The following ACADM variants were observed in gnomAD, a reference collection of about 807,000 sequenced individuals.
The protein encoded by ACADM is medium-chain specific acyl-CoA dehydrogenase, mitochondrial.
In ACADM, 49 loss-of-function variants were observed where a neutral mutation model predicts 58.9. That is an observed-to-expected ratio of 0.83 (90% confidence interval 0.66 to 1.06). The LOEUF (loss-of-function observed/expected upper bound fraction) is 1.06. Among genes scored for constraint, ACADM ranks in the 50% least tolerant of loss-of-function variants. The pLI, the probability that ACADM is intolerant of heterozygous loss-of-function variation, is 0.00. For synonymous variants in ACADM, 160 were observed against 157.7 expected (o/e 1.01, Z -0.11); for missense variants, 496 against 507.0 (o/e 0.98, Z 0.21).
At chr1:75,760,970 GCC>G (rs1406364123) in intron 10 of ACADM, 150 bp from the exon 11 acceptor site, 3 of 718,418 alleles carry the variant, frequency 4.2e-6, no homozygotes, top group African/African-American at 1.8e-5. Flanking sequence ...ACTTTGAGAG[GCC>G]TAAGTAGGAG....
At chr1:75,758,923 G>A (rs1035431477) in intron 10 of ACADM, among the ~76,000 whole-genome samples, 30 of 152,178 alleles carry the variant, frequency 2.0e-4, no homozygotes, top group African/African-American at 6.3e-4. Flanking sequence ...CCCTTTCCAC[G>A]CTGTGGAAGC....
intron 9 of ACADM, 70 bp downstream of exon 9, chr1:75,749,629 A>C: frequency 7.2e-7 from 1 of 1,381,820 alleles, no homozygotes. Flanking sequence ...TTTTTACTTT[A>C]AAATTGTATG....
At chr1:75,726,366 C>A (rs375988213) in intron 1 of ACADM, among the ~76,000 whole-genome samples, 388 of 142,962 alleles carry the variant, frequency 2.7e-3, no homozygotes, top group African/African-American at 2.8e-3. Flanking sequence ...GAGACTCTGT[C>A]AAAAAAAAAA....
At position 75,733,626 on chromosome 1, in the gene ACADM, G is replaced by T. The variant is rs886042076; in HGVS notation, c.385G>T (p.Gly129Trp). ...GACTGCTATTGAAGGAAATTCTTTG[G>T]GGGTAAGTGACTTAGAAAATTAACT... is the stretch of plus-strand genomic sequence containing the variant. ...VQTAIEGNSL[G>W]QMPIIIAGND... Residue 129 changes from glycine (G) to tryptophan (W), a missense_variant and splice_region_variant, in exon 5 of 12, where the codon GGG (glycine) becomes TGG (tryptophan). By Grantham distance (184) the Gly-to-Trp change is radical. Coordinates refer to ENST00000370841, the MANE Select transcript of ACADM (RefSeq NM_000016.6). 1 of 1,611,040 alleles carries T rather than the reference G, an allele frequency of 6.2e-7. No individual in the cohort carries two copies. Among genetic ancestry groups the T allele is most frequent in the Admixed American group, 1.7e-5 (1 of 60,004 alleles).
chr1:75,755,380 C>T (rs1030105623), intron 10 of ACADM, among the ~76,000 whole-genome samples: 1 of 152,228 alleles, frequency 6.6e-6, no homozygotes, highest in African/African-American at 2.4e-5. Flanking sequence ...ATTGACACCT[C>T]ATACGTCCGG....
chr1:75,733,036 T>G (rs1647175288), intron 4 of ACADM, 114 bp downstream of exon 4: 1 of 1,613,492 alleles, frequency 6.2e-7, no homozygotes, highest in Non-Finnish European at 8.5e-7. Flanking sequence ...TTTCTACCTT[T>G]GTCTTCCTGC....
chr1:75,745,745 A>G, intron 7 of ACADM, 61 bp from the exon 8 acceptor site: 11 of 1,123,796 alleles, frequency 9.8e-6, no homozygotes, highest in Non-Finnish European at 1.5e-5. Context: ...TAACTGAGAG[A>G]GCAATCACCA....
chr1:75,740,440 TA>T (rs1489351904), intron 7 of ACADM, among the ~76,000 whole-genome samples: 1 of 152,180 alleles, frequency 6.6e-6, no homozygotes, highest in Non-Finnish European at 1.5e-5. Flanking sequence ...TTGGAATCCC[TA>T]AAACCCTAAG....
Position 75,732,865 on chromosome 1 carries a change from C to T in ACADM, c.229C>T (p.Leu77=), listed in dbSNP as rs749859620. Residue 77 remains leucine, a synonymous_variant, in exon 4 of 12, where the codon CTA becomes TTA. Transcript: ENST00000370841. ...YDKTGEYPVP[L]IRRAWELGLM... The stretch of plus-strand genomic sequence containing the variant: ...CTTTTTCTTCTAGTATCCAGTCCCC[C>T]TAATTAGAAGAGCCTGGGAACTTGG... The T allele has an allele frequency of 1.9e-6, 3 of 1,613,472 alleles. No homozygotes were observed. The East Asian group carries it at 6.7e-5, about 36-fold the overall frequency.
intron 9 of ACADM, among the ~76,000 whole-genome samples, 198 bp from the exon 10 acceptor site, chr1:75,750,245 GTATGATAC>G (rs1297256265): frequency 2.0e-5 from 3 of 152,042 alleles, no homozygotes; most frequent in African/African-American, 7.2e-5. Flanking sequence ...TTTTTCTAGA[GTATGATAC>G]TATGCCTAAC....
At chr1:75,757,882 GC>G in intron 10 of ACADM, among the ~76,000 whole-genome samples, 1 of 152,240 alleles carries the variant, frequency 6.6e-6, no homozygotes, top group African/African-American at 2.4e-5. Flanking sequence ...TCACAAGACT[GC>G]CCCTTCTTTT....
rs114657718 is a variant in ACADM at position 75,761,566 on chromosome 1, G to T, written c.1194+196G>T. The T allele has an allele frequency of 5.7e-4, 361 of 630,082 alleles. 3 individuals are homozygous for T. The African/African-American group carries it at 5.9e-3, about 10-fold the overall frequency. 39.0% of individuals were successfully genotyped at this position (630,082 alleles called of 1,614,324 possible). A position where few individuals can be genotyped will look rare whatever the true frequency, so the allele number is the denominator to read the frequency against. Reference sequence around the variant, plus strand: ...GTGATTAAGTATAAGTCTGAAGAGAGAATAGGCTAAAAAAAATGGTACAGA... The same window carrying T: ...GTGATTAAGTATAAGTCTGAAGAGATAATAGGCTAAAAAAAATGGTACAGA... On this transcript the variant is annotated intron_variant, in intron 11 of 11. Transcript: ENST00000370841.
chr1:75,750,464 C>T lies in ACADM; in HGVS notation c.863C>T (p.Ala288Val), dbSNP rs749914987. The T allele has an allele frequency of 1.2e-6, 2 of 1,611,372 alleles. No homozygotes were observed. Among genetic ancestry groups the T allele is most frequent in the Non-Finnish European group, 1.7e-6 (2 of 1,179,262 alleles). ...TTAAAATACTAGGTAGCTGCTGGTG[C>T]TGTTGGATTAGCACAAAGAGCTTTG... ...DKTRPVVAAG[A>V]VGLAQRALDE... Residue 288 changes from alanine to valine, a missense_variant, in exon 10 of 12, where the codon GCT (alanine) becomes GTT (valine). By Grantham distance (64) the Ala-to-Val change is moderately conservative. Coordinates refer to ENST00000370841, the MANE Select transcript of ACADM (RefSeq NM_000016.6).
chr1:75,749,610 A>T, intron 9 of ACADM, 51 bp downstream of exon 9: 1 of 1,502,336 alleles, frequency 6.7e-7, no homozygotes. Flanking sequence ...TTATTACATT[A>T]AATAAGTATT....
chr1:75,734,443 G>C (rs572900313), intron 5 of ACADM, among the ~76,000 whole-genome samples: 2 of 151,546 alleles, frequency 1.3e-5, no homozygotes, highest in East Asian at 3.9e-4. Flanking sequence ...CCAAAGTGCT[G>C]GGATTACAGG....
chr1:75,731,373 C>G (rs1292814844), intron 2 of ACADM, among the ~76,000 whole-genome samples: 1 of 151,824 alleles, frequency 6.6e-6, no homozygotes, highest in African/African-American at 2.4e-5. Flanking sequence ...TCTCACATCC[C>G]CATACAAATG....
intron 10 of ACADM, among the ~76,000 whole-genome samples, chr1:75,757,874 A>AC (rs1313517875): frequency 6.6e-6 from 1 of 152,174 alleles, no homozygotes; most frequent in Non-Finnish European, 1.5e-5. Context: ...GCTTAGTCTC[A>AC]CAAGACTGCC....
intron 2 of ACADM, among the ~76,000 whole-genome samples, chr1:75,731,013 G>A (rs1183045639): frequency 1.3e-5 from 2 of 152,016 alleles, no homozygotes; most frequent in Non-Finnish European, 2.9e-5. Flanking sequence ...TTGGCTGGGC[G>A]CAGTGGCTCG....
At chr1:75,737,178 A>G (rs937278829) in intron 6 of ACADM, among the ~76,000 whole-genome samples, 3 of 149,658 alleles carry the variant, frequency 2.0e-5, no homozygotes, top group African/African-American at 7.4e-5. Flanking sequence ...CATGCCTGTA[A>G]TCTTAACACT....
Sources: gnomAD v4.1 joint callset for allele counts (sites outside exome capture counted in the v4.1 genomes callset) on GRCh38, gnomAD v4.1.1 for gene constraint, MANE v1.5 for transcripts, NCBI Gene and HGNC (gene_info 2026-07-23, HGNC 2026-07-21) for gene names.